Variants in SPACA7 observed in about 807,000 individuals in gnomAD.
SPACA7 encodes the protein sperm acrosome-associated protein 7.
A neutral mutation model predicts 26.3 loss-of-function variants in SPACA7; 19 were observed. The ratio of observed to expected loss-of-function variants is 0.72; its 90% CI spans 0.50 to 1.06. SPACA7 has a LOEUF of 1.06. Ranked by LOEUF, SPACA7 falls within the 50% of genes least tolerant of loss-of-function variation. The pLI is 0.00. For missense variants in SPACA7, 211 were observed against 229.9 expected (o/e 0.92, Z 0.53); for synonymous variants, 84 against 84.5 (o/e 0.99, Z 0.04).
intron 5 of SPACA7, among the ~76,000 whole-genome samples, chr13:112,411,184 T>A (rs1394594658): frequency 6.6e-6 from 1 of 151,604 alleles, no homozygotes; most frequent in African/African-American, 2.4e-5. Flanking sequence ...AAAAAAAAAA[T>A]TGGGGTATTT....
At position 112,376,401 on chromosome 13, in the gene SPACA7, G is replaced by A; in HGVS notation, c.16G>A (p.Gly6Arg). 6.2e-7 allele frequency: 1 copy of A among 1,613,692 alleles called. No homozygotes were observed. Among genetic ancestry groups the A allele is most frequent in the Non-Finnish European group, 8.5e-7 (1 of 1,179,836 alleles). MAVSQ[G>R]DGTLCFVLLL... is the part of the protein sequence containing the mutation. ...TGGAGGGAGCATGGCAGTGAGCCAA[G>A]GAGACGGGACCCTCTGCTTTGTCCT... Residue 6 changes from glycine to arginine, a missense_variant, in exon 1 of 7, where the codon GGA (glycine) becomes AGA (arginine). Transcript: ENST00000283550.
intron 2 of SPACA7, among the ~76,000 whole-genome samples, chr13:112,393,725 G>A (rs1192225907): frequency 6.6e-6 from 1 of 152,232 alleles, no homozygotes; most frequent in African/African-American, 2.4e-5. Context: ...ATTGTCTAGT[G>A]GCCACATTAA....
intron 5 of SPACA7, among the ~76,000 whole-genome samples, chr13:112,417,102 T>C (rs1037806815): frequency 6.6e-6 from 1 of 152,170 alleles, no homozygotes; most frequent in Non-Finnish European, 1.5e-5. Context: ...ATGGTTTTAC[T>C]GGGATACATC....
chr13:112,378,584 T>C (rs1883841890), intron 1 of SPACA7: 1 of 413,860 alleles, frequency 2.4e-6, no homozygotes, highest in Non-Finnish European at 5.1e-6. Flanking sequence ...AGCCAAAAAC[T>C]CACCATCAGA....
chr13:112,419,950 C>T (rs564607009), intron 5 of SPACA7, among the ~76,000 whole-genome samples: 1 of 152,162 alleles, frequency 6.6e-6, no homozygotes. Context: ...AAGTCTCTGG[C>T]CCCCTAGCTC....
chr13:112,394,382 G>A (rs1251411730), intron 2 of SPACA7, among the ~76,000 whole-genome samples: 4 of 151,576 alleles, frequency 2.6e-5, no homozygotes, highest in Admixed American at 6.6e-5. Flanking sequence ...CCTTCCACCC[G>A]GCAGGGCCCG....
At chr13:112,414,824 A>G (rs1886586295) in intron 5 of SPACA7, among the ~76,000 whole-genome samples, 1 of 152,176 alleles carries the variant, frequency 6.6e-6, no homozygotes, top group East Asian at 1.9e-4. Flanking sequence ...GCCTTATTTC[A>G]TCTATTTGAC....
chr13:112,376,382 G>A lies in SPACA7; in HGVS notation c.-4G>A, dbSNP rs777253937. The A allele has an allele frequency of 6.2e-6, 10 of 1,612,860 alleles. No individual in the cohort carries two copies. In the Admixed American group the frequency reaches 1.3e-4, roughly 22 times the overall value. On this transcript the variant is annotated 5_prime_UTR_variant, in exon 1 of 7. Transcript: ENST00000283550. Reference sequence around the variant, plus strand: ...AACGTCCTTCTCCCTCAGCTGGAGGGAGCATGGCAGTGAGCCAAGGAGACG... The same window carrying A: ...AACGTCCTTCTCCCTCAGCTGGAGGAAGCATGGCAGTGAGCCAAGGAGACG...
intron 1 of SPACA7, among the ~76,000 whole-genome samples, chr13:112,390,474 C>T (rs1482740828): frequency 6.6e-6 from 1 of 152,180 alleles, no homozygotes; most frequent in East Asian, 1.9e-4. Context: ...CCGAGAGCAG[C>T]ATTTTTGGCC....
chr13:112,388,567 A>AG (rs750223079), intron 1 of SPACA7, among the ~76,000 whole-genome samples: 5 of 152,194 alleles, frequency 3.3e-5, no homozygotes, highest in Non-Finnish European at 4.4e-5. Flanking sequence ...CCATTGTTGA[A>AG]GGGGGGCCAC....
rs571969431 is a variant in SPACA7 at position 112,386,766 on chromosome 13, G to A, written c.95-6255G>A. ...TTAATTAACCTGACTTTTAACCATG[G>A]TGCTCTTTAAAAAAGAAATCCCTTC... On this transcript the variant is annotated intron_variant, in intron 1 of 6. Transcript: ENST00000283550. 2.6e-4 allele frequency among the ~76,000 whole-genome samples: 40 copies of A among 152,190 alleles called. No homozygotes were observed. In the South Asian group the frequency reaches 8.3e-3, roughly 32 times the overall value.
intron 6 of SPACA7, among the ~76,000 whole-genome samples, chr13:112,433,579 T>C (rs1877413534): frequency 6.6e-6 from 1 of 151,506 alleles, no homozygotes; most frequent in Non-Finnish European, 1.5e-5. Flanking sequence ...GGCCAGCTCG[T>C]CCTTTGTTAA....
chr13:112,396,372 A>G (rs4907695), intron 2 of SPACA7, among the ~76,000 whole-genome samples: 40,612 of 151,544 alleles, frequency 0.27, 6,228 homozygotes, highest in Non-Finnish European at 0.35. Flanking sequence ...GCTGAATCCT[A>G]TCCTCTGCCT....
At chr13:112,380,505 C>T (rs1424118056) in intron 1 of SPACA7, among the ~76,000 whole-genome samples, 2 of 151,730 alleles carry the variant, frequency 1.3e-5, no homozygotes, top group Non-Finnish European at 2.9e-5. Context: ...TTGCTACACT[C>T]TTGATACTAA....
At chr13:112,386,059 T>C (rs1884504719) in intron 1 of SPACA7, among the ~76,000 whole-genome samples, 1 of 152,220 alleles carries the variant, frequency 6.6e-6, no homozygotes, top group Non-Finnish European at 1.5e-5. Context: ...TACTGAACAC[T>C]GGATCCCCAA....
intron 5 of SPACA7, 117 bp from the exon 6 acceptor site, chr13:112,432,327 C>A: frequency 1.4e-6 from 1 of 731,300 alleles, no homozygotes; most frequent in Non-Finnish European, 2.4e-6. Flanking sequence ...CCCGCTTGCT[C>A]TGTGCGTGGG....
At chr13:112,390,265 G>A (rs750773287) in intron 1 of SPACA7, among the ~76,000 whole-genome samples, 7 of 152,142 alleles carry the variant, frequency 4.6e-5, no homozygotes, top group Non-Finnish European at 7.3e-5. Context: ...AGCCAGTGTG[G>A]GGAGATCTGG....
chr13:112,379,069 G>A (rs1277727140), intron 1 of SPACA7, among the ~76,000 whole-genome samples: 1 of 152,108 alleles, frequency 6.6e-6, no homozygotes, highest in African/African-American at 2.4e-5. Context: ...TTTAAATCTG[G>A]AAAACAAAAC....
At chr13:112,413,223 A>G (rs1261640191) in intron 5 of SPACA7, among the ~76,000 whole-genome samples, 1 of 152,142 alleles carries the variant, frequency 6.6e-6, no homozygotes, top group Non-Finnish European at 1.5e-5. Context: ...CTTTTCTTTC[A>G]GATTGAAGAC....
Sources: gnomAD v4.1 joint callset for allele counts (sites outside exome capture counted in the v4.1 genomes callset) on GRCh38, gnomAD v4.1.1 for gene constraint, MANE v1.5 for transcripts, NCBI Gene and HGNC (gene_info 2026-07-23, HGNC 2026-07-21) for gene names.